The following PCDHGB7 variants were observed in gnomAD, a reference collection of about 807,000 sequenced individuals.
PCDHGB7 encodes protocadherin gamma subfamily B, 7.
In PCDHGB7, 37 loss-of-function variants were observed where a neutral mutation model predicts 61.4. The ratio of observed to expected loss-of-function variants is 0.60; its 90% CI spans 0.46 to 0.79. PCDHGB7 has a LOEUF of 0.79. PCDHGB7 is among the 30% of genes least tolerant of loss of function. The probability of loss-of-function intolerance (pLI) is 0.00; values close to 1 mark genes in which losing one functional copy is unlikely to be tolerated. For synonymous variants in PCDHGB7, 464 were observed against 503.5 expected (o/e 0.92, Z 1.05); for missense variants, 1,166 against 1,202.5 (o/e 0.97, Z 0.45).
intron 1 of PCDHGB7, among the ~76,000 whole-genome samples, chr5:141,456,572 C>T (rs958661783): frequency 6.6e-6 from 1 of 152,168 alleles, no homozygotes; most frequent in Non-Finnish European, 1.5e-5. Flanking sequence ...CCACATTTTC[C>T]CTGAGCCTGT....
intron 1 of PCDHGB7, among the ~76,000 whole-genome samples, chr5:141,474,089 CAAACAACAACAA>C (rs985204397): frequency 3.3e-5 from 5 of 152,116 alleles, no homozygotes; most frequent in Admixed American, 2.0e-4. Flanking sequence ...AACCAAAAAA[CAAACAACAACAA>C]AAACAACAAC....
chr5:141,418,998 G>C lies in PCDHGB7; in HGVS notation c.1139G>C (p.Gly380Ala), dbSNP rs757681244. The C allele has an allele frequency of 1.9e-6, 3 of 1,613,940 alleles. No homozygotes were observed. The highest frequency in any genetic ancestry group is 1.1e-5 in the South Asian group (1 of 91,074). ...KTRDQDSGENGEVRCSLSRGV... is the reference protein window; with the variant it reads ...KTRDQDSGENAEVRCSLSRGV... ...CGGGACCAAGACTCAGGGGAAAATG[G>C]GGAAGTCAGGTGTAGCTTAAGTAGA... The change falls in exon 1 of 4, where the codon GGG (glycine) becomes GCG (alanine). Residue 380 changes from glycine to alanine, a missense_variant. By Grantham distance (60) the Gly-to-Ala change is moderately conservative. Coordinates refer to ENST00000398594, the MANE Select transcript of PCDHGB7 (RefSeq NM_018927.4).
intron 1 of PCDHGB7, among the ~76,000 whole-genome samples, chr5:141,465,545 C>T (rs2099105349): frequency 6.6e-6 from 1 of 152,146 alleles, no homozygotes; most frequent in South Asian, 2.1e-4. Context: ...GGCATTTTTT[C>T]TGCTGAAGCT....
At position 141,431,747 on chromosome 5, in the gene PCDHGB7, C is replaced by T. The variant is rs371020840; in HGVS notation, c.2415+11473C>T. The T allele has an allele frequency of 5.0e-6, 8 of 1,614,064 alleles. No individual in the cohort carries two copies. In the Admixed American group the frequency reaches 5.0e-5, roughly 10 times the overall value. On this transcript the variant is annotated intron_variant, in intron 1 of 3. Transcript: ENST00000398594. This position sits in a 1 kb window ranked among gnomAD's most constrained non-coding sequence, Gnocchi z 4.8. ...AATGGATAATGCAGGATATTCTGCG[C>T]GAGCCAAAGTCCTGATCACTGTTCT...
rs778851755 is a variant in PCDHGB7, at chr5:141,477,795, G to A, written c.2416-17012G>A. ...AGCGTGAACATATTTGTCACTGATC[G>A]CAATGACAATGCCCCCCAGGTCCTA... On this transcript the variant is annotated intron_variant, in intron 1 of 3. Coordinates refer to ENST00000398594, the MANE Select transcript of PCDHGB7 (RefSeq NM_018927.4). This position sits in a 1 kb window ranked among gnomAD's most constrained non-coding sequence, Gnocchi z 4.9. The A allele has an allele frequency of 3.1e-6, 5 of 1,613,946 alleles. No individual in the cohort carries two copies. In the African/African-American group the frequency reaches 6.7e-5, roughly 22 times the overall value.
chr5:141,439,186 C>T (rs2098094521), intron 1 of PCDHGB7, among the ~76,000 whole-genome samples: 1 of 141,808 alleles, frequency 7.1e-6, no homozygotes, highest in Admixed American at 7.0e-5. Flanking sequence ...TAGTGAGACT[C>T]TGACAAAAAA....
intron 1 of PCDHGB7, among the ~76,000 whole-genome samples, chr5:141,462,877 T>G (rs1387501705): frequency 1.3e-5 from 2 of 152,240 alleles, no homozygotes; most frequent in African/African-American, 4.8e-5. Flanking sequence ...CTTTAAGAAC[T>G]ATTGCAGTTT....
chr5:141,424,799 A>G (rs552155487), intron 1 of PCDHGB7: 90 of 152,274 alleles, frequency 5.9e-4, no homozygotes, highest in African/African-American at 2.1e-3. Context: ...ATTCAGACCA[A>G]CTTGTTATTG....
chr5:141,424,294 C>G (rs1260250688), intron 1 of PCDHGB7: 1 of 152,470 alleles, frequency 6.6e-6, no homozygotes, highest in Non-Finnish European at 1.5e-5. Context: ...ATTTCTTCAT[C>G]CTATCAACAC....
At position 141,490,521 on chromosome 5, in the gene PCDHGB7, C is replaced by T. The variant is rs146064810; in HGVS notation, c.2416-4286C>T. The stretch of plus-strand genomic sequence containing the variant: ...ACTATATCATCGAGCTGCTGGCCAG[C>T]GATGCTGGTTCACCTTCCCTACACA... On this transcript the variant is annotated intron_variant, in intron 1 of 3. Coordinates refer to ENST00000398594, the MANE Select transcript of PCDHGB7 (RefSeq NM_018927.4). This position sits in a 1 kb window ranked among gnomAD's most constrained non-coding sequence, Gnocchi z 5.4. The T allele has an allele frequency of 1.0e-4, 166 of 1,614,058 alleles. No individual in the cohort carries two copies. In the African/African-American group the frequency reaches 1.7e-3, roughly 16 times the overall value.
chr5:141,501,331 A>T (rs1024837974), intron 2 of PCDHGB7, among the ~76,000 whole-genome samples: 2 of 138,846 alleles, frequency 1.4e-5, no homozygotes, highest in Non-Finnish European at 1.6e-5. Flanking sequence ...ACACACACAC[A>T]CACCCCAAAC....
chr5:141,418,938 C>A lies in PCDHGB7; in HGVS notation c.1079C>A (p.Ser360Tyr). Residue 360 changes from serine (S) to tyrosine (Y), a missense_variant, in exon 1 of 4, where the codon TCC (serine) becomes TAC (tyrosine). Transcript: ENST00000398594. The stretch of plus-strand genomic sequence containing the variant: ...CTCTCTGATCAGATTATGGAGGATT[C>A]CCCTCCAGGAGTGGTTGTTGCCCTC... ...TSLSDQIMED[S>Y]PPGVVVALFK... 1.9e-6 allele frequency: 3 copies of A among 1,613,738 alleles called. No homozygotes were observed. Among genetic ancestry groups the A allele is most frequent in the Non-Finnish European group, 2.5e-6 (3 of 1,179,626 alleles).
intron 1 of PCDHGB7, among the ~76,000 whole-genome samples, chr5:141,471,145 G>T (rs569617031): frequency 3.4e-4 from 50 of 148,740 alleles, no homozygotes; most frequent in Non-Finnish European, 5.4e-4. Flanking sequence ...TGCCTCCTGG[G>T]TTCAAGTGAT....
chr5:141,506,577 A>G (rs2099855057), intron 3 of PCDHGB7, among the ~76,000 whole-genome samples: 1 of 152,162 alleles, frequency 6.6e-6, no homozygotes, highest in South Asian at 2.1e-4. Flanking sequence ...TTCACTTACT[A>G]TTAATGGGCA....
intron 1 of PCDHGB7, chr5:141,478,491 G>A: frequency 6.2e-7 from 1 of 1,613,152 alleles, no homozygotes; most frequent in Non-Finnish European, 8.5e-7. Flanking sequence ...CTGCGGAGCT[G>A]TGATCCGGTG....
intron 1 of PCDHGB7, chr5:141,478,834 A>G: frequency 7.0e-7 from 1 of 1,427,896 alleles, no homozygotes; most frequent in Non-Finnish European, 9.2e-7. Context: ...TTGCTAAGGG[A>G]TGGTTAAGCT....
Position 141,491,190 on chromosome 5 carries a change from C to A in PCDHGB7, c.2416-3617C>A, listed in dbSNP as rs759736855. On this transcript the variant is annotated intron_variant, in intron 1 of 3. Transcript: ENST00000398594. The surrounding 1 kb of genome is among the most constrained non-coding windows in gnomAD (Gnocchi z 6.9). ...AGCAGGTGGTGGTCCTGGTGAGGGA[C>A]AATGGTGACCCTTCACTCTCCTCCA... 1 of 1,614,192 alleles carries A rather than the reference C, an allele frequency of 6.2e-7. No homozygotes were observed. The highest frequency in any genetic ancestry group is 1.1e-5 in the South Asian group (1 of 91,082).
Position 141,431,581 on chromosome 5 carries a change from T to A in PCDHGB7, c.2415+11307T>A, listed in dbSNP as rs749863807. Reference sequence around the variant, plus strand: ...CTACCGACCCTGACGAAGGAGTCAATGCGGAAGTGAGGTATTCCTTCCGGT... The same window carrying A: ...CTACCGACCCTGACGAAGGAGTCAAAGCGGAAGTGAGGTATTCCTTCCGGT... On this transcript the variant is annotated intron_variant, in intron 1 of 3. Coordinates refer to ENST00000398594, the MANE Select transcript of PCDHGB7 (RefSeq NM_018927.4). This position sits in a 1 kb window ranked among gnomAD's most constrained non-coding sequence, Gnocchi z 4.8. 3.1e-6 allele frequency: 5 copies of A among 1,614,160 alleles called. No individual in the cohort carries two copies. In the South Asian group the frequency reaches 5.5e-5, roughly 18 times the overall value.
chr5:141,465,778 A>G (rs544366126), intron 1 of PCDHGB7, among the ~76,000 whole-genome samples: 1 of 148,538 alleles, frequency 6.7e-6, no homozygotes, highest in East Asian at 1.9e-4. Context: ...CTCTTGTTAC[A>G]GTTTTTTTTT....
Sources: gnomAD v4.1 joint callset for allele counts (sites outside exome capture counted in the v4.1 genomes callset) on GRCh38, gnomAD v4.1.1 for gene constraint, Gnocchi (gnomAD v3.1) non-coding constraint, MANE v1.5 for transcripts, NCBI Gene and HGNC (gene_info 2026-07-23, HGNC 2026-07-21) for gene names.